Variants in AHNAK observed in about 807,000 individuals in gnomAD.
AHNAK encodes AHNAK nucleoprotein.
Under a neutral mutation model 37.8 loss-of-function variants are expected in AHNAK, and 23 were observed. That is an observed-to-expected ratio of 0.61 (90% CI 0.44 to 0.86). The LOEUF (loss-of-function observed/expected upper bound fraction) is 0.86, where lower values mean the gene tolerates loss of function less well. Among genes scored for constraint, AHNAK ranks in the 40% least tolerant of loss-of-function variants. The probability of loss-of-function intolerance (pLI) is 0.00; values close to 1 mark genes in which losing one functional copy is unlikely to be tolerated. For missense variants in AHNAK, 7,411 were observed against 7,319.4 expected (o/e 1.01, Z -0.46); for synonymous variants, 2,481 against 2,636.3 (o/e 0.94, Z 1.80).
Position 62,518,052 on chromosome 11 carries a change from G to T in AHNAK, c.16365C>A (p.Asn5455Lys), listed in dbSNP as rs904680024. The change falls in exon 5 of 5, where the codon AAC becomes AAA. Residue 5455 changes from asparagine to lysine, a missense_variant. By Grantham distance (94) the Asn-to-Lys change is moderately conservative (BLOSUM62 0). Coordinates refer to ENST00000378024, the MANE Select transcript of AHNAK (RefSeq NM_001620.3). Reference sequence around the variant, plus strand: ...TCCCTTTCACTTTTGGTCCTTCCAAGTTAAAGTCCACATTCGGTGCTGAAA... The same window carrying T: ...TCCCTTTCACTTTTGGTCCTTCCAATTTAAAGTCCACATTCGGTGCTGAAA... ...PRISAPNVDF[N>K]LEGPKVKGSL... is the part of the protein sequence containing the mutation. 43 of 1,614,188 alleles carry T rather than the reference G, an allele frequency of 2.7e-5. No individual in the cohort carries two copies. Among genetic ancestry groups the T allele is most frequent in the Non-Finnish European group, 3.6e-5 (43 of 1,180,040 alleles).
At position 62,525,857 on chromosome 11, in the gene AHNAK, CCA is replaced by C; in HGVS notation, c.8558_8559del (p.Val2853GlyfsTer6). On this transcript the variant is annotated frameshift_variant, in exon 5 of 5. Coordinates refer to ENST00000378024, the MANE Select transcript of AHNAK (RefSeq NM_001620.3). LOFTEE classifies it low-confidence loss of function (END_TRUNC). Reference protein sequence around the residue: ...NLTGPKIKGDVDVTGPKVEGD... With the variant: ...NLTGPKIKGDXDVTGPKVEGD... ...CCCTCTACCTTAGGGCCTGTAACAT[CCA>C]CATCTCCTTTTATTTTTGGACCTGT... 6.2e-7 allele frequency: 1 copy of C among 1,614,180 alleles called. No individual in the cohort carries two copies. Among genetic ancestry groups the C allele is most frequent in the Non-Finnish European group, 8.5e-7 (1 of 1,180,048 alleles).
chr11:62,515,605 T>C (rs975232713), downstream of AHNAK, among the ~76,000 whole-genome samples: 9 of 152,238 alleles, frequency 5.9e-5, no homozygotes, highest in African/African-American at 2.2e-4. Context: ...ACTGTTCACA[T>C]CTGTAACCCA....
chr11:62,458,640 C>G (rs34764917), intron 5 of AHNAK, among the ~76,000 whole-genome samples: 9,612 of 152,226 alleles, frequency 0.063, 407 homozygotes, highest in Middle Eastern at 0.14. Context: ...TGTCAGGGTT[C>G]ATTAGTTCCC....
intron 5 of AHNAK, among the ~76,000 whole-genome samples, chr11:62,468,043 T>C (rs1474247575): frequency 6.6e-6 from 1 of 151,898 alleles, no homozygotes; most frequent in Non-Finnish European, 1.5e-5. Context: ...ATGATATTAG[T>C]TATATTAATT....
chr11:62,455,149 T>A (rs1445043991), intron 5 of AHNAK, among the ~76,000 whole-genome samples: 1 of 151,588 alleles, frequency 6.6e-6, no homozygotes, highest in African/African-American at 2.4e-5. Context: ...GTCAGGCTGG[T>A]GTCCAACTCC....
Position 62,521,760 on chromosome 11 carries a change from G to A in AHNAK, c.12657C>T (p.Val4219=), listed in dbSNP as rs1204973200. The part of the protein sequence containing the change: ...DVNLPKADLD[V]SGPKVDIDVP... ...CATCAATGTCCACCTTGGGTCCTGA[G>A]ACGTCAAGGTCAGCCTTGGGCAGGT... Residue 4219 remains valine, a synonymous_variant, in exon 5 of 5, where the codon GTC becomes GTT. Transcript: ENST00000378024. 1 of 1,612,354 alleles carries A rather than the reference G, an allele frequency of 6.2e-7. No individual in the cohort carries two copies. The highest frequency in any genetic ancestry group is 8.5e-7 in the Non-Finnish European group (1 of 1,179,594).
chr11:62,532,639 C>A lies in AHNAK; in HGVS notation c.1778G>T (p.Arg593Ile), dbSNP rs1362464472. The change falls in exon 5 of 5, where the codon AGA becomes ATA. Residue 593 changes from arginine to isoleucine, a missense_variant. Coordinates refer to ENST00000378024, the MANE Select transcript of AHNAK (RefSeq NM_001620.3). ...VKGGVDVTLP[R>I]VEGKVKVPEV... ...AGGGACTTTGACTTTCCCTTCTACTCTGGGGAGTGTGACATCTACACCCCC... is the reference window on the plus strand; with the variant it reads ...AGGGACTTTGACTTTCCCTTCTACTATGGGGAGTGTGACATCTACACCCCC... 6 of 1,614,048 alleles carry A rather than the reference C, an allele frequency of 3.7e-6. No individual in the cohort carries two copies. The highest frequency in any genetic ancestry group is 5.1e-6 in the Non-Finnish European group (6 of 1,180,012).
intron 4 of AHNAK, among the ~76,000 whole-genome samples, chr11:62,505,218 C>G (rs1590635538): frequency 6.6e-6 from 1 of 152,134 alleles, no homozygotes; most frequent in African/African-American, 2.4e-5. Flanking sequence ...CTTGCTCGCC[C>G]CGTCTTTGCT....
rs887345474 is a variant in AHNAK at position 62,536,571 on chromosome 11, G to A, written c.-99-4C>T. 1 of 153,528 alleles carries A rather than the reference G, an allele frequency of 6.5e-6. No homozygotes were observed. Among genetic ancestry groups the A allele is most frequent in the African/African-American group, 2.4e-5 (1 of 41,444 alleles). The allele number at this position is 153,528 out of a possible 1,614,324, so 9.5% of individuals were successfully genotyped here. A position where few individuals can be genotyped will look rare whatever the true frequency, so the allele number is the denominator to read the frequency against. On this transcript the variant is annotated splice_polypyrimidine_tract_variant and splice_region_variant and intron_variant, in intron 1 of 4. Coordinates refer to ENST00000378024, the MANE Select transcript of AHNAK (RefSeq NM_001620.3). ...CGTCGGGAATCTCGGTCACAACCTA[G>A]GGAAAAGTTCACGATGATGCTCGCA...
chr11:62,471,617 T>C (rs957154941), intron 5 of AHNAK, among the ~76,000 whole-genome samples: 1 of 152,150 alleles, frequency 6.6e-6, no homozygotes, highest in Non-Finnish European at 1.5e-5. Context: ...CATTTTGGAT[T>C]TCGGATTTTT....
Position 62,518,108 on chromosome 11 carries a change from C to T in AHNAK, c.16309G>A (p.Gly5437Ser), listed in dbSNP as rs747974875. The change falls in exon 5 of 5, where the codon GGT becomes AGT. Residue 5437 changes from glycine (G) to serine (S), a missense_variant. Transcript: ENST00000378024. Reference sequence around the variant, plus strand: ...GGCCCTTTCAGGTTCACATCCACACCTGGCCCCTTCAGTTCGCCAGAAACC... The same window carrying T: ...GGCCCTTTCAGGTTCACATCCACACTTGGCCCCTTCAGTTCGCCAGAAACC... ...PQVSGELKGP[G>S]VDVNLKGPRI... 1.9e-6 allele frequency: 3 copies of T among 1,614,132 alleles called. No homozygotes were observed. In the Admixed American group the frequency reaches 5.0e-5, roughly 27 times the overall value.
intron 1 of AHNAK, among the ~76,000 whole-genome samples, chr11:62,540,784 C>A (rs957068253): frequency 6.6e-6 from 1 of 152,194 alleles, no homozygotes; most frequent in Admixed American, 6.5e-5. Flanking sequence ...GGTGAGAGCA[C>A]GTATGCCTGA....
chr11:62,517,850 T>G lies in AHNAK; in HGVS notation c.16567A>C (p.Ile5523Leu), dbSNP rs1369935652. The change falls in exon 5 of 5, where the codon ATC (isoleucine) becomes CTC (leucine). Residue 5523 changes from isoleucine to leucine, a missense_variant. Physicochemically the swap from Ile to Leu is conservative, Grantham distance 5. Transcript: ENST00000378024. Reference sequence around the variant, plus strand: ...TCTGAACCTTTCAGACCACCTTTGATTTCAGGCCCAGAAATCTGCCCAGTT... The same window carrying G: ...TCTGAACCTTTCAGACCACCTTTGAGTTCAGGCCCAGAAATCTGCCCAGTT... ...LPTGQISGPEIKGGLKGSEVG... is the reference protein window; with the variant it reads ...LPTGQISGPELKGGLKGSEVG... 1 of 1,614,046 alleles carries G rather than the reference T, an allele frequency of 6.2e-7. No individual in the cohort carries two copies. Among genetic ancestry groups the G allele is most frequent in the Non-Finnish European group, 8.5e-7 (1 of 1,180,036 alleles).
At chr11:62,460,113 C>T (rs553992650) in intron 5 of AHNAK, among the ~76,000 whole-genome samples, 11 of 146,060 alleles carry the variant, frequency 7.5e-5, no homozygotes, top group Admixed American at 4.8e-4. Flanking sequence ...AGCAAAACTC[C>T]GTCTCAAAGA....
chr11:62,528,328 A>G lies in AHNAK; in HGVS notation c.6089T>C (p.Met2030Thr). Residue 2030 changes from methionine (M) to threonine (T), a missense_variant, in exon 5 of 5, where the codon ATG becomes ACG. Physicochemically the swap from Met to Thr is moderately conservative, Grantham distance 81. Transcript: ENST00000378024. ...ATCCACATCTGGGGCATCAATGTCCATTTTGGGTCCTTTGATGTCAACATC... is the reference window on the plus strand; with the variant it reads ...ATCCACATCTGGGGCATCAATGTCCGTTTTGGGTCCTTTGATGTCAACATC... ...VPDVDIKGPK[M>T]DIDAPDVDVH... is the part of the protein sequence containing the mutation. The G allele has an allele frequency of 1.2e-6, 2 of 1,613,992 alleles. No homozygotes were observed. Among genetic ancestry groups the G allele is most frequent in the Non-Finnish European group, 1.7e-6 (2 of 1,180,014 alleles).
intron 4 of AHNAK, among the ~76,000 whole-genome samples, chr11:62,508,603 G>T (rs974512523): frequency 1.3e-5 from 2 of 152,260 alleles, no homozygotes; most frequent in Non-Finnish European, 2.9e-5. Flanking sequence ...GGCATTTAAA[G>T]GGAAATGAAA....
At position 62,517,572 on chromosome 11, in the gene AHNAK, C is replaced by T. The variant is rs750220866; in HGVS notation, c.16845G>A (p.Gly5615=). Residue 5615 remains glycine (G), a synonymous_variant, in exon 5 of 5, where the codon GGG becomes GGA. Transcript: ENST00000378024. ...ALNLDTSKFA[G]GLHFSGPKVE... is the part of the protein sequence containing the mutation. ...CCTTTGGTCCTGAGAAATGAAGGCC[C>T]CCAGCAAACTTAGATGTGTCCAAGT... 4 of 1,613,998 alleles carry T rather than the reference C, an allele frequency of 2.5e-6. No individual in the cohort carries two copies. The highest frequency in any genetic ancestry group is 1.3e-5 in the African/African-American group (1 of 74,900).
chr11:62,468,747 T>C (rs2513045), intron 5 of AHNAK, among the ~76,000 whole-genome samples: 139,453 of 152,190 alleles, frequency 0.92, 64,301 homozygotes, highest in South Asian at 0.98. Flanking sequence ...GAAGAGTCAC[T>C]GCACACCAGC....
intron 5 of AHNAK, among the ~76,000 whole-genome samples, chr11:62,477,474 T>C (rs971155091): frequency 4.6e-5 from 7 of 152,158 alleles, no homozygotes; most frequent in Non-Finnish European, 1.0e-4. Context: ...TGAGTGTACC[T>C]ATGTAGCAAA....
Sources: allele counts gnomAD v4.1 joint callset (sites outside exome capture counted in the v4.1 genomes callset), GRCh38; gene constraint gnomAD v4.1.1; transcripts MANE v1.5; gene names NCBI Gene and HGNC (gene_info 2026-07-23, HGNC 2026-07-21).